KAZN: variants seen among roughly 807,000 people sequenced by gnomAD.
KAZN encodes the protein kazrin.
A neutral mutation model predicts 87.4 loss-of-function variants in KAZN; 40 were observed. That is an observed-to-expected ratio of 0.46 (90% confidence interval 0.36 to 0.60). KAZN has a LOEUF of 0.60. Among genes scored for constraint, KAZN ranks in the 20% least tolerant of loss-of-function variants. KAZN has a pLI of 0.00. For synonymous variants in KAZN, 466 were observed against 458.3 expected (o/e 1.02, Z -0.22); for missense variants, 898 against 1,073.9 (o/e 0.84, Z 2.29).
At chr1:14,126,636 TA>T (rs70997115) in intron 1 of KAZN, among the ~76,000 whole-genome samples, 11 of 150,598 alleles carry the variant, frequency 7.3e-5, no homozygotes, top group African/African-American at 1.2e-4. Context: ...ATGATAATAA[TA>T]AAAAAAAATA....
At chr1:13,993,354 G>T (rs1419078377) in intron 1 of KAZN, among the ~76,000 whole-genome samples, 1 of 152,062 alleles carries the variant, frequency 6.6e-6, no homozygotes, top group Non-Finnish European at 1.5e-5. Flanking sequence ...GAGTTTACCA[G>T]GTTTTAGTAA....
rs1557724764 is a variant in KAZN at position 15,021,997 on chromosome 1, A to G, written c.419-12752A>G. 6.6e-6 allele frequency among the ~76,000 whole-genome samples: 1 copy of G among 152,158 alleles called. No individual in the cohort carries two copies. The highest frequency in any genetic ancestry group is 1.5e-5 in the Non-Finnish European group (1 of 68,032). On this transcript the variant is annotated intron_variant, in intron 2 of 14. Transcript: ENST00000376030. The surrounding 1 kb of genome is among the most constrained non-coding windows in gnomAD (Gnocchi z 4.2). ...AAAACCATCAGATCTCGTGAGACTT[A>G]TTCACTGCCATGAGAACAGTACAGG... is the stretch of plus-strand genomic sequence containing the variant.
chr1:14,414,613 C>CGT (rs35972093), intron 2 of KAZN, among the ~76,000 whole-genome samples: 5,669 of 150,896 alleles, frequency 0.038, 301 homozygotes, highest in African/African-American at 0.12. Context: ...ATGCACATAC[C>CGT]GTGTGTGTGT....
intron 1 of KAZN, among the ~76,000 whole-genome samples, chr1:13,987,369 T>C (rs569841918): frequency 1.3e-5 from 2 of 152,242 alleles, no homozygotes; most frequent in African/African-American, 4.8e-5. Flanking sequence ...CCCCTCCCTG[T>C]GTCCATGTAT....
intron 1 of KAZN, among the ~76,000 whole-genome samples, chr1:14,764,836 T>C (rs541612449): frequency 7.0e-4 from 107 of 152,268 alleles, no homozygotes; most frequent in Non-Finnish European, 1.1e-3. Flanking sequence ...CCAGTAAAAC[T>C]GTGGGTGCTT....
chr1:15,037,118 T>G (rs1438898850), intron 3 of KAZN, among the ~76,000 whole-genome samples: 6 of 152,020 alleles, frequency 3.9e-5, no homozygotes, highest in African/African-American at 1.4e-4. Flanking sequence ...ACCTCTCTCA[T>G]TTCTCCATTC....
intron 1 of KAZN, among the ~76,000 whole-genome samples, chr1:13,948,397 G>A (rs34730575): frequency 0.034 from 5,168 of 152,242 alleles, 118 homozygotes; most frequent in Middle Eastern, 0.075. Context: ...TTCCCCCTTC[G>A]CGGGGCACTC....
At chr1:14,712,130 A>G (rs1426968858) in intron 1 of KAZN, among the ~76,000 whole-genome samples, 1 of 152,198 alleles carries the variant, frequency 6.6e-6, no homozygotes, top group Non-Finnish European at 1.5e-5. Context: ...TTAACCTAAA[A>G]GCTAATAGAA....
At chr1:14,714,169 C>T (rs1241297765) in intron 1 of KAZN, among the ~76,000 whole-genome samples, 1 of 152,182 alleles carries the variant, frequency 6.6e-6, no homozygotes, top group East Asian at 1.9e-4. Context: ...TGGTTACCAT[C>T]ATACTGGTTC....
chr1:14,205,068 A>T (rs879259189), intron 2 of KAZN, among the ~76,000 whole-genome samples: 15 of 152,144 alleles, frequency 9.9e-5, no homozygotes, highest in Non-Finnish European at 1.8e-4. Context: ...TCTATCTCCA[A>T]TTCTTCATTC....
chr1:14,415,156 G>C (rs1664645326), intron 2 of KAZN, among the ~76,000 whole-genome samples: 1 of 152,048 alleles, frequency 6.6e-6, no homozygotes, highest in South Asian at 2.1e-4. Flanking sequence ...AATGTAGCAA[G>C]GTCGATGATG....
intron 2 of KAZN, among the ~76,000 whole-genome samples, chr1:14,520,402 G>A (rs1446469055): frequency 2.6e-5 from 4 of 152,112 alleles, no homozygotes; most frequent in African/African-American, 7.2e-5. Context: ...ATGTGAATGA[G>A]AGAGAAACAG....
intron 2 of KAZN, among the ~76,000 whole-genome samples, chr1:14,212,090 T>C (rs1377652433): frequency 6.6e-6 from 1 of 152,184 alleles, no homozygotes; most frequent in East Asian, 1.9e-4. Flanking sequence ...ACTCCTTCCA[T>C]TGATAATGTT....
intron 1 of KAZN, among the ~76,000 whole-genome samples, chr1:14,177,221 T>C (rs1351396062): frequency 2.6e-5 from 4 of 152,198 alleles, no homozygotes; most frequent in African/African-American, 9.7e-5. Context: ...TTGTCATATA[T>C]TTTACTCTAT....
chr1:14,933,762 C>A (rs1195593895), intron 1 of KAZN, among the ~76,000 whole-genome samples: 3 of 152,146 alleles, frequency 2.0e-5, no homozygotes, highest in African/African-American at 7.2e-5. Context: ...CCTGCCTCAG[C>A]CTCCCAAGTA....
chr1:14,074,049 C>A (rs1182233989), intron 1 of KAZN, among the ~76,000 whole-genome samples: 1 of 152,172 alleles, frequency 6.6e-6, no homozygotes, highest in African/African-American at 2.4e-5. Context: ...CTGTCTCAAA[C>A]TACACACCCC....
intron 1 of KAZN, among the ~76,000 whole-genome samples, chr1:14,138,239 G>T (rs562777438): frequency 1.3e-5 from 2 of 152,168 alleles, no homozygotes; most frequent in South Asian, 4.2e-4. Context: ...CTCAGGGCTG[G>T]TTGACTCGGA....
chr1:14,931,348 GA>G (rs1438464249), intron 1 of KAZN, among the ~76,000 whole-genome samples: 1 of 152,124 alleles, frequency 6.6e-6, no homozygotes, highest in Non-Finnish European at 1.5e-5. Flanking sequence ...GAAGGCTGAG[GA>G]AGGAAAATTG....
At chr1:14,817,950 C>A (rs1646622170) in intron 1 of KAZN, among the ~76,000 whole-genome samples, 1 of 152,200 alleles carries the variant, frequency 6.6e-6, no homozygotes, top group Non-Finnish European at 1.5e-5. Flanking sequence ...ATGCTCAGAG[C>A]TGGAACAATT....
Sources: allele counts gnomAD v4.1 joint callset (sites outside exome capture counted in the v4.1 genomes callset), GRCh38; gene constraint gnomAD v4.1.1; non-coding constraint Gnocchi (gnomAD v3.1); transcripts MANE v1.5; gene names NCBI Gene and HGNC (gene_info 2026-07-23, HGNC 2026-07-21).